HSD17B11: variants seen among roughly 807,000 people sequenced by gnomAD.
HSD17B11 encodes hydroxysteroid 17-beta dehydrogenase 11, also known as estradiol 17-beta-dehydrogenase 11.
In HSD17B11, 22 loss-of-function variants were observed where a neutral mutation model predicts 27.8. The ratio of observed to expected loss-of-function variants is 0.79; its 90% CI spans 0.56 to 1.13. The LOEUF (loss-of-function observed/expected upper bound fraction) is 1.13. HSD17B11 is among the 50% of genes most tolerant of loss of function. The pLI, the probability that HSD17B11 is intolerant of heterozygous loss-of-function variation, is 0.00. For synonymous variants in HSD17B11, 117 were observed against 132.8 expected, an observed-to-expected ratio of 0.88 and a Z score of 0.82; for missense variants, 314 against 351.1, an observed-to-expected ratio of 0.89 and a Z score of 0.84.
intron 1 of HSD17B11, chr4:87,387,067 T>C (rs913370478): frequency 6.6e-6 from 1 of 152,200 alleles, no homozygotes; most frequent in Non-Finnish European, 1.5e-5. Context: ...TCTGAACTTA[T>C]GCAGACATGC....
chr4:87,343,992 A>C (rs1735221057), intron 5 of HSD17B11, among the ~76,000 whole-genome samples: 1 of 152,224 alleles, frequency 6.6e-6, no homozygotes, highest in African/African-American at 2.4e-5. Flanking sequence ...TGATTTCCAC[A>C]GTGTAAATAT....
intron 4 of HSD17B11, among the ~76,000 whole-genome samples, chr4:87,369,714 G>A (rs1027896505): frequency 1.2e-4 from 19 of 152,124 alleles, no homozygotes; most frequent in African/African-American, 4.6e-4. Flanking sequence ...GGGATTACAG[G>A]TGTCAGCCAC....
intron 5 of HSD17B11, among the ~76,000 whole-genome samples, chr4:87,346,387 G>A (rs28445336): frequency 0.12 from 18,015 of 152,214 alleles, 1,230 homozygotes; most frequent in East Asian, 0.31. Flanking sequence ...GGTGGCTCAC[G>A]ACTGTAATCC....
intron 1 of HSD17B11, among the ~76,000 whole-genome samples, chr4:87,386,254 G>C (rs1720315764): frequency 6.6e-6 from 1 of 151,334 alleles, no homozygotes; most frequent in African/African-American, 2.4e-5. Flanking sequence ...CCAGCCTGGA[G>C]TGCAATGGTG....
chr4:87,384,323 T>C lies in HSD17B11; in HGVS notation c.211-1961A>G, dbSNP rs143070362. ...GTGATAATTGTGTTAACTGTACAAATTGATTGTAAAACATGTGTGTTTGAA... is the reference window on the plus strand; with the variant it reads ...GTGATAATTGTGTTAACTGTACAAACTGATTGTAAAACATGTGTGTTTGAA... On this transcript the variant is annotated intron_variant, in intron 1 of 6. Transcript: ENST00000358290. Among the ~76,000 whole-genome samples the C allele has an allele frequency of 3.3e-3, 506 of 152,300 alleles. 3 individuals carry two copies. Among genetic ancestry groups the C allele is most frequent in the African/African-American group, 0.012 (482 of 41,568 alleles).
intron 4 of HSD17B11, among the ~76,000 whole-genome samples, chr4:87,361,052 A>G (rs1735503184): frequency 6.6e-6 from 1 of 152,220 alleles, no homozygotes. Flanking sequence ...CTCCATCTTA[A>G]ATAGGAGCTG....
At chr4:87,387,939 C>T (rs1720362200) in intron 1 of HSD17B11, among the ~76,000 whole-genome samples, 1 of 152,032 alleles carries the variant, frequency 6.6e-6, no homozygotes, top group Non-Finnish European at 1.5e-5. Flanking sequence ...TTTACTTGTT[C>T]CTTCCATCTT....
intron 2 of HSD17B11, among the ~76,000 whole-genome samples, chr4:87,380,113 A>C (rs1222297449): frequency 1.4e-5 from 2 of 147,606 alleles, no homozygotes; most frequent in Non-Finnish European, 3.0e-5. Context: ...TCTGTCTCAA[A>C]AAAAAAAAAC....
In HSD17B11 at chr4:87,336,654, T is replaced by C. The variant is rs1735063948; in HGVS notation, c.*622A>G. 6.6e-6 allele frequency: 1 copy of C among 152,488 alleles called. No individual in the cohort carries two copies. Among genetic ancestry groups the C allele is most frequent in the Non-Finnish European group, 1.5e-5 (1 of 68,080 alleles). 9.4% of individuals were successfully genotyped at this position (152,488 alleles called of 1,614,324 possible). ...TTATTGCTGCCATTTGTGGGTACAT[T>C]CTCTCAATTCTCCTTAAATCCCAGT... On this transcript the variant is annotated 3_prime_UTR_variant, in exon 7 of 7. Transcript: ENST00000358290.
intron 1 of HSD17B11, among the ~76,000 whole-genome samples, chr4:87,383,593 A>G (rs185064426): frequency 8.8e-4 from 134 of 152,308 alleles, no homozygotes; most frequent in Non-Finnish European, 1.2e-3. Context: ...ACGCTGCCAC[A>G]TGTCAGACAG....
chr4:87,375,555 A>G (rs537973964), intron 2 of HSD17B11, among the ~76,000 whole-genome samples: 41 of 152,176 alleles, frequency 2.7e-4, no homozygotes, highest in Non-Finnish European at 5.1e-4. Flanking sequence ...CAGCATGACC[A>G]ACATGGAGAA....
chr4:87,384,169 T>C (rs559670401), intron 1 of HSD17B11, among the ~76,000 whole-genome samples: 1 of 152,290 alleles, frequency 6.6e-6, no homozygotes, highest in South Asian at 2.1e-4. Context: ...AGAACATAAA[T>C]TGTGAAGATT....
chr4:87,374,325 A>C, intron 3 of HSD17B11: 1 of 170,396 alleles, frequency 5.9e-6, no homozygotes, highest in Non-Finnish European at 1.2e-5. Context: ...CTGTCTAAAA[A>C]AGAAAAAAGA....
chr4:87,372,945 G>C, intron 3 of HSD17B11, 130 bp from the exon 4 acceptor site: 1 of 615,766 alleles, frequency 1.6e-6, no homozygotes, highest in Non-Finnish European at 2.9e-6. Context: ...CAAACTAACT[G>C]ACAAATGCAG....
chr4:87,355,495 G>GGCT (rs1735366438), intron 5 of HSD17B11, among the ~76,000 whole-genome samples: 1 of 151,592 alleles, frequency 6.6e-6, no homozygotes, highest in Non-Finnish European at 1.5e-5. Flanking sequence ...AATGAAAATA[G>GGCT]GCTTAAAAGC....
At chr4:87,380,484 A>AAAAG (rs70957234) in intron 2 of HSD17B11, among the ~76,000 whole-genome samples, 25,631 of 138,364 alleles carry the variant, frequency 0.19, 3,306 homozygotes, top group Non-Finnish European at 0.27. Flanking sequence ...AAAAAAAAAA[A>AAAAG]AAAAGAAAAA....
At chr4:87,338,593 T>A (rs1735098446) in intron 6 of HSD17B11, among the ~76,000 whole-genome samples, 1 of 152,194 alleles carries the variant, frequency 6.6e-6, no homozygotes, top group Admixed American at 6.5e-5. Flanking sequence ...TGGAGTGCAG[T>A]GGCATGATCA....
Position 87,337,344 on chromosome 4 carries a change from C to T in HSD17B11, c.835G>A (p.Ala279Thr), listed in dbSNP as rs368240246. Residue 279 changes from alanine (A) to threonine (T), a missense_variant, in exon 7 of 7, where the codon GCA (alanine) becomes ACA (threonine). Physicochemically the swap from Ala to Thr is moderately conservative, Grantham distance 58. Transcript: ENST00000358290. ...ACACTGATTTTTCGTTTTAAAACTGCCAGGAAACGCTCAGGAAGGATCCTA... is the reference window on the plus strand; with the variant it reads ...ACACTGATTTTTCGTTTTAAAACTGTCAGGAAACGCTCAGGAAGGATCCTA... Reference protein sequence around the residue: ...LERILPERFLAVLKRKISVKF... With the variant: ...LERILPERFLTVLKRKISVKF... 1.0e-5 allele frequency: 16 copies of T among 1,592,370 alleles called. No individual in the cohort carries two copies. The highest frequency in any genetic ancestry group is 1.1e-5 in the Non-Finnish European group (13 of 1,162,392).
chr4:87,378,110 T>C (rs373414716), intron 2 of HSD17B11, among the ~76,000 whole-genome samples: 34 of 152,210 alleles, frequency 2.2e-4, no homozygotes, highest in African/African-American at 7.2e-4. Flanking sequence ...CTGTAGGGCA[T>C]CAATCTGCCA....
Sources: allele counts gnomAD v4.1 joint callset (sites outside exome capture counted in the v4.1 genomes callset), GRCh38; gene constraint gnomAD v4.1.1; transcripts MANE v1.5; gene names NCBI Gene and HGNC (gene_info 2026-07-23, HGNC 2026-07-21).